The following KIZ variants were observed in gnomAD, a reference collection of about 807,000 sequenced individuals.
KIZ encodes kizuna centrosomal protein, also known as centrosomal protein kizuna.
Under a neutral mutation model 79.6 loss-of-function variants are expected in KIZ, and 68 were observed. That is an observed-to-expected ratio of 0.85 (90% CI 0.70 to 1.05). The LOEUF (loss-of-function observed/expected upper bound fraction) is 1.05. Ranked by LOEUF, KIZ falls within the 50% of genes least tolerant of loss-of-function variation. The probability of loss-of-function intolerance (pLI) is 0.00; values close to 1 mark genes in which losing one functional copy is unlikely to be tolerated. For synonymous variants in KIZ, 280 were observed against 281.8 expected, an observed-to-expected ratio of 0.99 and a Z score of 0.06; for missense variants, 797 against 800.4, an observed-to-expected ratio of 1.00 and a Z score of 0.05.
chr20:21,197,057 A>G (rs1286417160), intron 6 of KIZ: 1 of 152,238 alleles, frequency 6.6e-6, no homozygotes, highest in African/African-American at 2.4e-5. Flanking sequence ...TGTGTGTTGA[A>G]TATTCCCAAC....
rs1031342586 is a variant in KIZ, at chr20:21,234,362, A to C, written c.1880+1532A>C. ...CCCCTTTAAGAAAACAAAAAAAAAA[A>C]CCACACAAAAAGGCCTTGAAGGAAC... On this transcript the variant is annotated intron_variant, in intron 11 of 12. Transcript: ENST00000619189. Among the ~76,000 whole-genome samples the C allele has an allele frequency of 2.6e-3, 393 of 149,882 alleles. 2 individuals carry two copies. Among genetic ancestry groups the C allele is most frequent in the African/African-American group, 8.2e-3 (334 of 40,782 alleles).
intron 3 of KIZ, among the ~76,000 whole-genome samples, chr20:21,141,184 C>T (rs563550601): frequency 1.3e-5 from 2 of 152,186 alleles, no homozygotes; most frequent in East Asian, 3.9e-4. Flanking sequence ...TCACTCAGGT[C>T]CCCATTATCC....
At chr20:21,174,541 C>T (rs1443333166) in intron 6 of KIZ, among the ~76,000 whole-genome samples, 1 of 152,120 alleles carries the variant, frequency 6.6e-6, no homozygotes, top group East Asian at 1.9e-4. Context: ...GAAAACTAAG[C>T]AGTGGCAATT....
chr20:21,136,506 A>G lies in KIZ; in HGVS notation c.269A>G (p.His90Arg). The G allele has an allele frequency of 6.2e-7, 1 of 1,602,302 alleles. No individual in the cohort carries two copies. Among genetic ancestry groups the G allele is most frequent in the Non-Finnish European group, 8.5e-7 (1 of 1,173,950 alleles). The part of the protein sequence containing the change: ...YLKRFERVQA[H>R]VVHFTTNTEK... The stretch of plus-strand genomic sequence containing the variant: ...AAGCGATTTGAGCGTGTCCAAGCTC[A>G]TGTTGTACACTTCACCACAAATACA... The change falls in exon 3 of 13, where the codon CAT becomes CGT. Residue 90 changes from histidine (H) to arginine (R), a missense_variant. His to Arg is a conservative substitution (Grantham distance 29). Coordinates refer to ENST00000619189, the MANE Select transcript of KIZ (RefSeq NM_018474.6).
At chr20:21,197,460 T>C (rs2035390318) in intron 6 of KIZ, 1 of 152,252 alleles carries the variant, frequency 6.6e-6, no homozygotes, top group Non-Finnish European at 1.5e-5. Flanking sequence ...GTAAATTTCA[T>C]ACGAGTTGTG....
intron 11 of KIZ, among the ~76,000 whole-genome samples, chr20:21,233,545 G>A (rs1158070317): frequency 6.6e-6 from 1 of 152,154 alleles, no homozygotes; most frequent in African/African-American, 2.4e-5. Flanking sequence ...GTTTAAAATG[G>A]CATAGCAACT....
At chr20:21,234,963 A>C (rs1426870364) in intron 11 of KIZ, among the ~76,000 whole-genome samples, 10 of 152,092 alleles carry the variant, frequency 6.6e-5, no homozygotes, top group Admixed American at 6.5e-4. Flanking sequence ...ATTGGTTTGC[A>C]GTTGTTTACA....
At chr20:21,177,243 A>T (rs566750023) in intron 6 of KIZ, among the ~76,000 whole-genome samples, 1 of 152,258 alleles carries the variant, frequency 6.6e-6, no homozygotes, top group East Asian at 1.9e-4. Flanking sequence ...CATCTTTGCC[A>T]GTGCTTGTTA....
Position 21,214,696 on chromosome 20 carries a change from A to G in KIZ, c.1608A>G (p.Glu536=). The change falls in exon 8 of 13, where the codon GAA becomes GAG. Residue 536 remains glutamate, a synonymous_variant. Coordinates refer to ENST00000619189, the MANE Select transcript of KIZ (RefSeq NM_018474.6). ...AVWLNSVPTR[E]QEVSSGCGDK... The stretch of plus-strand genomic sequence containing the variant: ...GGCTCAACAGTGTTCCTACAAGGGA[A>G]CAAGGTAACTATTGTTAAAGTGTGT... The G allele has an allele frequency of 6.2e-7, 1 of 1,609,256 alleles. No individual in the cohort carries two copies. The highest frequency in any genetic ancestry group is 8.5e-7 in the Non-Finnish European group (1 of 1,176,008).
intron 6 of KIZ, among the ~76,000 whole-genome samples, chr20:21,192,451 G>T (rs2035153113): frequency 6.6e-6 from 1 of 151,812 alleles, no homozygotes; most frequent in African/African-American, 2.4e-5. Flanking sequence ...TGCCTGGCTT[G>T]CTTCTTTTGA....
intron 6 of KIZ, among the ~76,000 whole-genome samples, chr20:21,170,889 C>T (rs1042896688): frequency 6.6e-6 from 1 of 152,156 alleles, no homozygotes; most frequent in Non-Finnish European, 1.5e-5. Context: ...TCTTTCTGTG[C>T]CTGGCTTAAA....
intron 4 of KIZ, chr20:21,151,024 T>C (rs1251182451): frequency 6.6e-6 from 1 of 152,232 alleles, no homozygotes; most frequent in Non-Finnish European, 1.5e-5. Context: ...TCAGGCACTA[T>C]TCTAAGGATT....
At chr20:21,128,165 A>G (rs2122256616) in intron 1 of KIZ, among the ~76,000 whole-genome samples, 1 of 151,994 alleles carries the variant, frequency 6.6e-6, no homozygotes, top group East Asian at 1.9e-4. Context: ...GGCGCCCACC[A>G]CCAACCCCAG....
In KIZ at chr20:21,126,120, G is replaced by C. The variant is rs535506046; in HGVS notation, c.5G>C (p.Ser2Thr). 7 of 1,514,888 alleles carry C rather than the reference G, an allele frequency of 4.6e-6. No homozygotes were observed. Among genetic ancestry groups the C allele is most frequent in the Non-Finnish European group, 6.2e-6 (7 of 1,132,082 alleles). 93.8% of individuals were successfully genotyped at this position (1,514,888 alleles called of 1,614,324 possible). ...AGCTGGCGCAGCGGCAGCAGCATGAGCCGGACCCTCGCATCGGCCGTGCCC... is the reference window on the plus strand; with the variant it reads ...AGCTGGCGCAGCGGCAGCAGCATGACCCGGACCCTCGCATCGGCCGTGCCC... The part of the protein sequence containing the change: M[S>T]RTLASAVPLS... Residue 2 changes from serine (S) to threonine (T), a missense_variant, in exon 1 of 13, where the codon AGC becomes ACC. Transcript: ENST00000619189.
At chr20:21,145,189 C>G (rs1048951711) in intron 3 of KIZ, among the ~76,000 whole-genome samples, 3 of 150,960 alleles carry the variant, frequency 2.0e-5, no homozygotes, top group Non-Finnish European at 4.4e-5. Context: ...TGGGGCAAAA[C>G]TTCTAAAAGG....
chr20:21,159,094 G>A (rs543991218), intron 4 of KIZ, among the ~76,000 whole-genome samples: 2 of 151,628 alleles, frequency 1.3e-5, no homozygotes, highest in South Asian at 4.2e-4. Flanking sequence ...TGCAACCTCT[G>A]CCTCCTGGGT....
chr20:21,155,725 A>T (rs1323506712), intron 4 of KIZ, among the ~76,000 whole-genome samples: 3 of 152,202 alleles, frequency 2.0e-5, no homozygotes, highest in Non-Finnish European at 2.9e-5. Context: ...AAAAGTTTAA[A>T]TTTACCGTAT....
chr20:21,146,591 ACTTTTTCTC>A (rs1158107142), intron 4 of KIZ, among the ~76,000 whole-genome samples: 5 of 152,184 alleles, frequency 3.3e-5, no homozygotes, highest in Non-Finnish European at 7.3e-5. Flanking sequence ...CAAGAAATTA[ACTTTTTCTC>A]CTTTTACCTG....
At chr20:21,178,269 T>A (rs949265040) in intron 6 of KIZ, among the ~76,000 whole-genome samples, 2 of 152,116 alleles carry the variant, frequency 1.3e-5, no homozygotes, top group African/African-American at 4.8e-5. Context: ...TGTTTTGTAG[T>A]TTTTAGCATG....
Sources: gnomAD v4.1 joint callset for allele counts (sites outside exome capture counted in the v4.1 genomes callset) on GRCh38, gnomAD v4.1.1 for gene constraint, MANE v1.5 for transcripts, NCBI Gene and HGNC (gene_info 2026-07-23, HGNC 2026-07-21) for gene names.